PELO: variants seen among roughly 807,000 people sequenced by gnomAD.
The protein encoded by PELO is protein pelota homolog.
PELO carries 19 observed loss-of-function variants against 25.9 expected under a neutral mutation model. The ratio of observed to expected loss-of-function variants is 0.73; its 90% CI spans 0.51 to 1.08. The LOEUF (loss-of-function observed/expected upper bound fraction) is 1.08. PELO is among the 50% of genes least tolerant of loss of function. The pLI, the probability that PELO is intolerant of heterozygous loss-of-function variation, is 0.00. For missense variants in PELO, 498 were observed against 491.4 expected (o/e 1.01, Z -0.13); for synonymous variants, 196 against 192.2 (o/e 1.02, Z -0.16).
In PELO at chr5:52,803,648, A is replaced by G. The variant is rs62358444; in HGVS notation, c.*1808A>G. Reference sequence around the variant, plus strand: ...TTATCCCTAGAAATGTTTTTTTTAAAGCTACCCAGATGATTCCAATAGGCG... The same window carrying G: ...TTATCCCTAGAAATGTTTTTTTTAAGGCTACCCAGATGATTCCAATAGGCG... On this transcript the variant is annotated 3_prime_UTR_variant, in exon 3 of 3. Transcript: ENST00000274311. 39,127 of 152,018 alleles carry G rather than the reference A, an allele frequency of 0.26. 5,371 individuals are homozygous for G. Among genetic ancestry groups the G allele is most frequent in the Non-Finnish European group, 0.3 (20,694 of 67,968 alleles). The allele number at this position is 152,018 out of a possible 1,614,324, so 9.4% of individuals were successfully genotyped here.
intron 1 of PELO, among the ~76,000 whole-genome samples, chr5:52,796,888 T>C (rs1382916746): frequency 6.6e-6 from 1 of 152,146 alleles, no homozygotes; most frequent in East Asian, 1.9e-4. Flanking sequence ...TGAAAGGAAG[T>C]GACATTTTAA....
Position 52,800,753 on chromosome 5 carries a change from T to G in PELO, c.359T>G (p.Val120Gly). The change falls in exon 2 of 3, where the codon GTG (valine) becomes GGG (glycine). Residue 120 changes from valine (V) to glycine (G), a missense_variant. By Grantham distance (109) the Val-to-Gly change is moderately radical. Coordinates refer to ENST00000274311, the MANE Select transcript of PELO (RefSeq NM_015946.5). ...CTGGCCAAGAAGCAGTGGGATAGTG[T>G]GGTACTGGAGCGCATCGAGCAGGCC... Reference protein sequence around the residue: ...FTLAKKQWDSVVLERIEQACD... With the variant: ...FTLAKKQWDSGVLERIEQACD... The G allele has an allele frequency of 6.2e-7, 1 of 1,614,130 alleles. No individual in the cohort carries two copies. Among genetic ancestry groups the G allele is most frequent in the East Asian group, 2.2e-5 (1 of 44,870 alleles).
rs1156893402 is a variant in PELO at position 52,803,088 on chromosome 5, G to A, written c.*1248G>A. The A allele has an allele frequency of 4.6e-5, 7 of 152,108 alleles. No homozygotes were observed. The highest frequency in any genetic ancestry group is 4.1e-4 in the South Asian group (2 of 4,820). The allele number at this position is 152,108 out of a possible 1,614,324, so 9.4% of individuals were successfully genotyped here. A position where few individuals can be genotyped will look rare whatever the true frequency, so the allele number is the denominator to read the frequency against. ...AGTTTTTAACTGCTGGATCAGCGACGCCTATTTCAAGTAGTGATACTAACT... is the reference window on the plus strand; with the variant it reads ...AGTTTTTAACTGCTGGATCAGCGACACCTATTTCAAGTAGTGATACTAACT... On this transcript the variant is annotated 3_prime_UTR_variant, in exon 3 of 3. Coordinates refer to ENST00000274311, the MANE Select transcript of PELO (RefSeq NM_015946.5).
intron 1 of PELO, among the ~76,000 whole-genome samples, chr5:52,794,854 GCTT>G (rs1191497787): frequency 6.6e-6 from 1 of 151,682 alleles, no homozygotes; most frequent in East Asian, 1.9e-4. Flanking sequence ...TGGAGCTCTG[GCTT>G]CTTATTTTGT....
In PELO at chr5:52,800,686, G is replaced by C; in HGVS notation, c.292G>C (p.Ala98Pro). The C allele has an allele frequency of 6.2e-7, 1 of 1,614,158 alleles. No homozygotes were observed. Among genetic ancestry groups the C allele is most frequent in the Non-Finnish European group, 8.5e-7 (1 of 1,180,012 alleles). ...IQENEYVKMG[A>P]YHTIELEPNR... Reference sequence around the variant, plus strand: ...AGAGAATGAGTATGTCAAGATGGGGGCTTACCACACCATCGAGCTGGAGCC... The same window carrying C: ...AGAGAATGAGTATGTCAAGATGGGGCCTTACCACACCATCGAGCTGGAGCC... Residue 98 changes from alanine (A) to proline (P), a missense_variant, in exon 2 of 3, where the codon GCT (alanine) becomes CCT (proline). Coordinates refer to ENST00000274311, the MANE Select transcript of PELO (RefSeq NM_015946.5).
intron 1 of PELO, among the ~76,000 whole-genome samples, chr5:52,795,707 T>G (rs1379899202): frequency 6.6e-6 from 1 of 151,966 alleles, no homozygotes; most frequent in Non-Finnish European, 1.5e-5. Flanking sequence ...TTGTTTTGTC[T>G]GATCCAGTTT....
chr5:52,796,175 C>A (rs1748338019), intron 1 of PELO, among the ~76,000 whole-genome samples: 1 of 151,908 alleles, frequency 6.6e-6, no homozygotes, highest in African/African-American at 2.4e-5. Flanking sequence ...AGACTGAGTA[C>A]TGCCAAAAGT....
rs1748532253 is a variant in PELO, at chr5:52,803,647, A to G, written c.*1807A>G. ...TTTATCCCTAGAAATGTTTTTTTTA[A>G]AGCTACCCAGATGATTCCAATAGGC... On this transcript the variant is annotated 3_prime_UTR_variant, in exon 3 of 3. Coordinates refer to ENST00000274311, the MANE Select transcript of PELO (RefSeq NM_015946.5). 6.6e-6 allele frequency: 1 copy of G among 152,116 alleles called. No homozygotes were observed. The highest frequency in any genetic ancestry group is 2.4e-5 in the African/African-American group (1 of 41,426). The allele number at this position is 152,116 out of a possible 1,614,324, so 9.4% of individuals were successfully genotyped here.
At chr5:52,796,437 AC>A (rs1748345133) in intron 1 of PELO, among the ~76,000 whole-genome samples, 1 of 152,014 alleles carries the variant, frequency 6.6e-6, no homozygotes, top group South Asian at 2.1e-4. Context: ...TCTATTTTAA[AC>A]AGCCAATACA....
intron 1 of PELO, among the ~76,000 whole-genome samples, chr5:52,799,528 T>A (rs985096194): frequency 3.9e-5 from 6 of 152,170 alleles, no homozygotes; most frequent in Admixed American, 6.5e-5. Context: ...CCACACATAG[T>A]TTCTTCTCTC....
chr5:52,796,441 C>T (rs1182838594), intron 1 of PELO, among the ~76,000 whole-genome samples: 1 of 151,772 alleles, frequency 6.6e-6, no homozygotes, highest in Admixed American at 6.6e-5. Context: ...TTTTAAACAG[C>T]CAATACATAA....
chr5:52,795,402 C>T (rs62358386), intron 1 of PELO, among the ~76,000 whole-genome samples: 25,386 of 151,644 alleles, frequency 0.17, 2,942 homozygotes, highest in Non-Finnish European at 0.24. Flanking sequence ...TATACAGCCC[C>T]GACTGTTTAA....
intron 1 of PELO, among the ~76,000 whole-genome samples, chr5:52,798,484 G>A (rs1177981724): frequency 1.3e-5 from 2 of 152,124 alleles, no homozygotes; most frequent in African/African-American, 4.8e-5. Flanking sequence ...ATTTTAGGAC[G>A]TTTATTTGCC....
At chr5:52,793,385 C>T (rs1748279481) in intron 1 of PELO, among the ~76,000 whole-genome samples, 1 of 151,998 alleles carries the variant, frequency 6.6e-6, no homozygotes, top group Admixed American at 6.6e-5. Context: ...TGAAATATTT[C>T]TGTCTATCCA....
At chr5:52,793,723 A>G (rs1748286277) in intron 1 of PELO, among the ~76,000 whole-genome samples, 1 of 151,990 alleles carries the variant, frequency 6.6e-6, no homozygotes, top group Non-Finnish European at 1.5e-5. Flanking sequence ...TTCAAGTGCC[A>G]AGTTTATATC....
chr5:52,792,733 A>T (rs1748265864), intron 1 of PELO, among the ~76,000 whole-genome samples: 1 of 152,194 alleles, frequency 6.6e-6, no homozygotes, highest in African/African-American at 2.4e-5. Flanking sequence ...CTAAAATGCT[A>T]TTCTTTACCT....
Position 52,803,831 on chromosome 5 carries a change from G to A in PELO, c.*1991G>A, listed in dbSNP as rs752027350. ...GTACCAACATCTCTAGATGATTCCT[G>A]TGCATAATAAAATCTGATAAACAAA... On this transcript the variant is annotated 3_prime_UTR_variant, in exon 3 of 3. Coordinates refer to ENST00000274311, the MANE Select transcript of PELO (RefSeq NM_015946.5). The A allele has an allele frequency of 2.0e-5, 3 of 152,116 alleles. No individual in the cohort carries two copies. The highest frequency in any genetic ancestry group is 4.4e-5 in the Non-Finnish European group (3 of 68,020). 9.4% of individuals were successfully genotyped at this position (152,116 alleles called of 1,614,324 possible). A position where few individuals can be genotyped will look rare whatever the true frequency, so the allele number is the denominator to read the frequency against.
In PELO at chr5:52,800,353, C is replaced by T. The variant is rs1256671260; in HGVS notation, c.-42C>T. The T allele has an allele frequency of 1.2e-6, 2 of 1,611,090 alleles. No individual in the cohort carries two copies. The highest frequency in any genetic ancestry group is 1.7e-5 in the Admixed American group (1 of 59,900). On this transcript the variant is annotated 5_prime_UTR_variant, in exon 2 of 3. Transcript: ENST00000274311. Reference sequence around the variant, plus strand: ...TCTCCCGGGGCGGAGGTGAGGACCTCCTTGGTTCCTTTGGTTCTGTCAGTG... The same window carrying T: ...TCTCCCGGGGCGGAGGTGAGGACCTTCTTGGTTCCTTTGGTTCTGTCAGTG...
chr5:52,796,012 A>G lies in PELO; in HGVS notation c.-510-3873A>G, dbSNP rs186782475. On this transcript the variant is annotated intron_variant, in intron 1 of 2. Transcript: ENST00000274311. ...CTTAGAAAAATCAGATTTGAAAGATAGCACGCAAAATTGAAAACAAATATG... is the reference window on the plus strand; with the variant it reads ...CTTAGAAAAATCAGATTTGAAAGATGGCACGCAAAATTGAAAACAAATATG... Among the ~76,000 whole-genome samples, 986 of 152,166 alleles carry G rather than the reference A, an allele frequency of 6.5e-3. 9 individuals carry two copies. The highest frequency in any genetic ancestry group is 0.011 in the Non-Finnish European group (767 of 67,868).
Sources: gnomAD v4.1 joint callset for allele counts (sites outside exome capture counted in the v4.1 genomes callset) on GRCh38, gnomAD v4.1.1 for gene constraint, MANE v1.5 for transcripts, NCBI Gene and HGNC (gene_info 2026-07-23, HGNC 2026-07-21) for gene names.